LCN2: variants seen among roughly 807,000 people sequenced by gnomAD.
The protein encoded by LCN2 is lipocalin 2, also known as neutrophil gelatinase-associated lipocalin.
Under a neutral mutation model 26.4 loss-of-function variants are expected in LCN2, and 27 were observed. The ratio of observed to expected loss-of-function variants is 1.02; its 90% confidence interval spans 0.76 to 1.41. LCN2 has a LOEUF of 1.41. Ranked by LOEUF, LCN2 falls within the 40% of genes most tolerant of loss-of-function variation. LCN2 has a pLI of 0.00. For synonymous variants in LCN2, 94 were observed against 98.9 expected (o/e 0.95, Z 0.30); for missense variants, 224 against 237.6 (o/e 0.94, Z 0.38).
intron 5 of LCN2, 34 bp downstream of exon 5, chr9:128,152,318 T>C: frequency 6.4e-7 from 1 of 1,573,880 alleles, no homozygotes; most frequent in Non-Finnish European, 8.7e-7. Context: ...GACGGGGACA[T>C]GGGGACTGTT....
intron 2 of LCN2, chr9:128,151,326 CGG>C (rs370467308): frequency 1.4e-5 from 8 of 553,264 alleles, no homozygotes; most frequent in African/African-American, 1.4e-4. Context: ...TGTTGGGTGG[CGG>C]GGGGGGTGAA....
rs1835012026 is a variant in LCN2, at chr9:128,151,964, T to C, written c.414T>C (p.His138=). The C allele has an allele frequency of 6.2e-7, 1 of 1,614,134 alleles. No individual in the cohort carries two copies. Among genetic ancestry groups the C allele is most frequent in the Non-Finnish European group, 8.5e-7 (1 of 1,179,994 alleles). Residue 138 remains histidine (H), a synonymous_variant, in exon 4 of 7, where the codon CAT becomes CAC. Transcript: ENST00000277480. ...TGGTGAGCACCAACTACAACCAGCA[T>C]GCTATGGTGTTCTTCAAGAAAGTTT... ...VRVVSTNYNQ[H]AMVFFKKVSQ...
Position 128,153,318 on chromosome 9 carries a change from C to T in LCN2, c.*15C>T. 3.0e-6 allele frequency: 2 copies of T among 666,224 alleles called. No individual in the cohort carries two copies. Among genetic ancestry groups the T allele is most frequent in the South Asian group, 3.4e-5 (2 of 58,100 alleles). The allele number at this position is 666,224 out of a possible 1,614,324, so 41.3% of individuals were successfully genotyped here. Reference sequence around the variant, plus strand: ...ATATCCACCTCTGTCCAGGGTGCCGCCAGCTGCCGCACCAGCCCGAACACC... The same window carrying T: ...ATATCCACCTCTGTCCAGGGTGCCGTCAGCTGCCGCACCAGCCCGAACACC... On this transcript the variant is annotated 3_prime_UTR_variant, in exon 7 of 7. Transcript: ENST00000277480. This position sits in a 1 kb window ranked among gnomAD's most constrained non-coding sequence, Gnocchi z 5.4.
chr9:128,150,327 T>G lies in LCN2; in HGVS notation c.228T>G (p.Tyr76Ter), dbSNP rs1834993962. 6.2e-7 allele frequency: 1 copy of G among 1,614,088 alleles called. No individual in the cohort carries two copies. The change falls in exon 2 of 7, where the codon TAT (tyrosine) becomes TAG (stop). Residue 76 changes from tyrosine to a stop codon, truncating the protein, a stop_gained. Transcript: ENST00000277480. LOFTEE classifies it high-confidence loss of function. ...CGCAAAAGATGTATGCCACCATCTA[T>G]GAGCTGAAAGAAGACAAGAGCTACA... is the stretch of plus-strand genomic sequence containing the variant. ...KDPQKMYATIYELKEDKSYNV... is the reference protein window; with the variant it reads ...KDPQKMYATI
At chr9:128,151,748 T>G in intron 3 of LCN2, 31 bp downstream of exon 3, 1 of 1,606,226 alleles carries the variant, frequency 6.2e-7, no homozygotes, top group Non-Finnish European at 8.5e-7. Flanking sequence ...GGCACTGAGT[T>G]GGGGCTCCGG....
rs757282474 is a variant in LCN2 at position 128,151,724 on chromosome 9, C to T, written c.355+7C>T. On this transcript the variant is annotated splice_region_variant and intron_variant, in intron 3 of 6. Transcript: ENST00000277480. ...ACGCTGGGCAACATTAAGAGTGAGT[C>T]TTGAGTGAGGTGGGGCACTGAGTTG... The T allele has an allele frequency of 2.4e-5, 38 of 1,613,322 alleles. 1 individual carries two copies. The South Asian group carries it at 4.1e-4, about 17-fold the overall frequency.
Position 128,153,236 on chromosome 9 carries a change from G to A in LCN2, c.*8-75G>A, listed in dbSNP as rs1829158879. 2 of 1,302,080 alleles carry A rather than the reference G, an allele frequency of 1.5e-6. No homozygotes were observed. Among genetic ancestry groups the A allele is most frequent in the Middle Eastern group, 1.9e-4 (1 of 5,332 alleles). 80.7% of individuals were successfully genotyped at this position (1,302,080 alleles called of 1,614,324 possible). A position where few individuals can be genotyped will look rare whatever the true frequency, so the allele number is the denominator to read the frequency against. ...CCCCCTGCCCCCCAGCACTGCTGCT[G>A]TCTTTATTCTGCTGTCCCCATCTCG... On this transcript the variant is annotated intron_variant, in intron 6 of 6. Transcript: ENST00000277480. This position sits in a 1 kb window ranked among gnomAD's most constrained non-coding sequence, Gnocchi z 5.4.
At position 128,150,759 on chromosome 9, in the gene LCN2, GC is replaced by G. The variant is rs3837300; in HGVS notation, c.275+392del. On this transcript the variant is annotated intron_variant, in intron 2 of 6. Coordinates refer to ENST00000277480, the MANE Select transcript of LCN2 (RefSeq NM_005564.5). ...CCGGCAGGGGCTGGAGTCAGAGAGA[GC>G]CCCCCCTTCAGGAAGGAGCAAGCCA... 439 of 422,626 alleles carry G rather than the reference GC, an allele frequency of 1.0e-3. 2 individuals are homozygous for G. Among genetic ancestry groups the G allele is most frequent in the East Asian group, 8.7e-3 (133 of 15,230 alleles). The allele number at this position is 422,626 out of a possible 1,614,324, so 26.2% of individuals were successfully genotyped here. A position where few individuals can be genotyped will look rare whatever the true frequency, so the allele number is the denominator to read the frequency against.
chr9:128,153,337 G>T lies in LCN2; in HGVS notation c.*34G>T, dbSNP rs574077232. The T allele has an allele frequency of 7.4e-5, 46 of 624,214 alleles. No homozygotes were observed. The South Asian group carries it at 7.8e-4, about 11-fold the overall frequency. 38.7% of individuals were successfully genotyped at this position (624,214 alleles called of 1,614,324 possible). On this transcript the variant is annotated 3_prime_UTR_variant, in exon 7 of 7. Coordinates refer to ENST00000277480, the MANE Select transcript of LCN2 (RefSeq NM_005564.5). The surrounding 1 kb of genome is among the most constrained non-coding windows in gnomAD (Gnocchi z 5.4). ...GTGCCGCCAGCTGCCGCACCAGCCC[G>T]AACACCATTGAGGGAGCTGGGAGAC...
chr9:128,150,476 C>T (rs749047978), intron 2 of LCN2, 102 bp downstream of exon 2: 8 of 1,448,028 alleles, frequency 5.5e-6, no homozygotes, highest in African/African-American at 1.4e-5. Flanking sequence ...CTGTTCTGCC[C>T]GGAATTCATC....
chr9:128,149,619 C>T lies in LCN2; in HGVS notation c.94C>T (p.Pro32Ser), dbSNP rs781582364. ...CACCTCAGACCTGATCCCAGCCCCA[C>T]CTCTGAGCAAGGTCCCTCTGCAGCA... is the stretch of plus-strand genomic sequence containing the variant. Reference protein sequence around the residue: ...DSTSDLIPAPPLSKVPLQQNF... With the variant: ...DSTSDLIPAPSLSKVPLQQNF... Residue 32 changes from proline to serine, a missense_variant, in exon 1 of 7, where the codon CCT (proline) becomes TCT (serine). Transcript: ENST00000277480. 2 of 1,614,060 alleles carry T rather than the reference C, an allele frequency of 1.2e-6. No individual in the cohort carries two copies. Among genetic ancestry groups the T allele is most frequent in the South Asian group, 2.2e-5 (2 of 91,084 alleles).
In LCN2 at chr9:128,153,288, C is replaced by G. The variant is rs1186567631; in HGVS notation, c.*8-23C>G. The G allele has an allele frequency of 1.4e-5, 11 of 804,338 alleles. No homozygotes were observed. The highest frequency in any genetic ancestry group is 2.3e-5 in the Non-Finnish European group (11 of 483,348). 49.8% of individuals were successfully genotyped at this position (804,338 alleles called of 1,614,324 possible). A position where few individuals can be genotyped will look rare whatever the true frequency, so the allele number is the denominator to read the frequency against. ...GTGCCTCCCATTTCCCCACCCATCA[C>G]CCTCATATCCACCTCTGTCCAGGGT... On this transcript the variant is annotated intron_variant, in intron 6 of 6. Coordinates refer to ENST00000277480, the MANE Select transcript of LCN2 (RefSeq NM_005564.5). This position sits in a 1 kb window ranked among gnomAD's most constrained non-coding sequence, Gnocchi z 5.4.
intron 1 of LCN2, among the ~76,000 whole-genome samples, chr9:128,150,028 C>G (rs12005398): frequency 0.026 from 4,021 of 152,124 alleles, 158 homozygotes; most frequent in African/African-American, 0.091. Flanking sequence ...CTGCCAGACT[C>G]AGAACCGCCT....
chr9:128,150,509 CT>C, intron 2 of LCN2, 135 bp downstream of exon 2: 1 of 1,115,456 alleles, frequency 9.0e-7, no homozygotes, highest in Non-Finnish European at 1.4e-6. Flanking sequence ...TCCTCTGTTC[CT>C]TAGAGCAACG....
At chr9:128,151,846 G>A (rs376581902) in intron 3 of LCN2, 60 bp from the exon 4 acceptor site, 12 of 1,608,448 alleles carry the variant, frequency 7.5e-6, no homozygotes, top group Middle Eastern at 1.7e-4. Context: ...TGGGGAGGGA[G>A]GGGACAGCTC....
chr9:128,150,516 C>A, intron 2 of LCN2, 142 bp downstream of exon 2: 1 of 1,043,378 alleles, frequency 9.6e-7, no homozygotes, highest in South Asian at 1.3e-5. Flanking sequence ...TTCCTTAGAG[C>A]AACGTTTATA....
intron 4 of LCN2, 40 bp from the exon 5 acceptor site, chr9:128,152,143 G>T (rs778346533): frequency 7.4e-6 from 12 of 1,610,964 alleles, no homozygotes; most frequent in Non-Finnish European, 1.0e-5. Context: ...CGATATTTAT[G>T]TGGTGTCTGC....
At position 128,150,317 on chromosome 9, in the gene LCN2, C is replaced by A. The variant is rs1438137939; in HGVS notation, c.218C>A (p.Ala73Asp). ...REDKDPQKMY[A>D]TIYELKEDKS... ...GACAAAGACCCGCAAAAGATGTATG[C>A]CACCATCTATGAGCTGAAAGAAGAC... Residue 73 changes from alanine (A) to aspartate (D), a missense_variant, in exon 2 of 7, where the codon GCC (alanine) becomes GAC (aspartate). Coordinates refer to ENST00000277480, the MANE Select transcript of LCN2 (RefSeq NM_005564.5). The A allele has an allele frequency of 6.2e-7, 1 of 1,614,160 alleles. No individual in the cohort carries two copies. Among genetic ancestry groups the A allele is most frequent in the East Asian group, 2.2e-5 (1 of 44,884 alleles).
rs1454771785 is a variant in LCN2 at position 128,152,808 on chromosome 9, T to C, written c.578-292T>C. ...ACTGGCCTCCCCCAGGCTGAGAGAC[T>C]GCCTGGACTGGTAAACAGGCAGGAG... On this transcript the variant is annotated intron_variant, in intron 5 of 6. Coordinates refer to ENST00000277480, the MANE Select transcript of LCN2 (RefSeq NM_005564.5). Among the ~76,000 whole-genome samples, 5 of 152,286 alleles carry C rather than the reference T, an allele frequency of 3.3e-5. No individual in the cohort carries two copies. The East Asian group carries it at 9.7e-4, about 29-fold the overall frequency.
Sources: allele counts gnomAD v4.1 joint callset (sites outside exome capture counted in the v4.1 genomes callset), GRCh38; gene constraint gnomAD v4.1.1; non-coding constraint Gnocchi (gnomAD v3.1); transcripts MANE v1.5; gene names NCBI Gene and HGNC (gene_info 2026-07-23, HGNC 2026-07-21).